Variants in ALKBH3 observed in about 807,000 individuals in gnomAD.
ALKBH3 encodes alpha-ketoglutarate-dependent dioxygenase alkB homolog 3.
In ALKBH3, 51 loss-of-function variants were observed where a neutral mutation model predicts 43.9. That is an observed-to-expected ratio of 1.16 (90% CI 0.93 to 1.47). The LOEUF is 1.47. Ranked by LOEUF, ALKBH3 falls within the 40% of genes most tolerant of loss-of-function variation. The pLI, the probability that ALKBH3 is intolerant of heterozygous loss-of-function variation, is 0.00. For synonymous variants in ALKBH3, 102 were observed against 115.2 expected (o/e 0.89, Z 0.73); for missense variants, 361 against 351.9 (o/e 1.03, Z -0.21).
At chr11:43,897,572 T>C in intron 7 of ALKBH3, 1 of 788,958 alleles carries the variant, frequency 1.3e-6, no homozygotes, top group South Asian at 1.3e-5. Context: ...TCATGGGCAG[T>C]GACACTGTGA....
At chr11:43,899,449 G>T in intron 7 of ALKBH3, 1 of 702,324 alleles carries the variant, frequency 1.4e-6, no homozygotes, top group South Asian at 1.4e-5. Flanking sequence ...TAGGCTCCGA[G>T]GATTTCAGAG....
intron 7 of ALKBH3, among the ~76,000 whole-genome samples, chr11:43,895,506 G>C (rs897625840): frequency 6.6e-6 from 1 of 152,136 alleles, no homozygotes; most frequent in African/African-American, 2.4e-5. Context: ...ACCTCTTTTT[G>C]TTGGTAAATT....
chr11:43,912,241 G>A (rs533183248), intron 8 of ALKBH3: 5 of 152,260 alleles, frequency 3.3e-5, no homozygotes, highest in Admixed American at 6.5e-5. Flanking sequence ...TTGGAACAAA[G>A]GATAAAATAG....
intron 4 of ALKBH3, among the ~76,000 whole-genome samples, chr11:43,884,703 G>A (rs1354624066): frequency 1.3e-5 from 2 of 152,084 alleles, no homozygotes; most frequent in African/African-American, 4.8e-5. Context: ...CTTGCAGATT[G>A]GCTTGTATAT....
chr11:43,919,102 T>C lies in ALKBH3; in HGVS notation c.734T>C (p.Leu245Ser), dbSNP rs1952006612. 1 of 1,613,356 alleles carries C rather than the reference T, an allele frequency of 6.2e-7. No homozygotes were observed. Among genetic ancestry groups the C allele is most frequent in the African/African-American group, 1.3e-5 (1 of 74,916 alleles). Residue 245 changes from leucine to serine, a missense_variant, in exon 9 of 10, where the codon TTA becomes TCA. Transcript: ENST00000302708. ...ATACCCTTGGATCATGGGACCTTGT[T>C]AATCATGGAAGGAGCGACACAAGCT... ...VKIPLDHGTL[L>S]IMEGATQADW...
intron 8 of ALKBH3, among the ~76,000 whole-genome samples, chr11:43,902,325 A>C (rs968904136): frequency 4.6e-5 from 7 of 152,196 alleles, no homozygotes; most frequent in Admixed American, 2.0e-4. Flanking sequence ...AAAAACAGTG[A>C]CCAAAAAATT....
At chr11:43,909,831 T>C (rs893520565) in intron 8 of ALKBH3, 3 of 152,210 alleles carry the variant, frequency 2.0e-5, no homozygotes, top group Non-Finnish European at 4.4e-5. Flanking sequence ...TTTTTCTTGT[T>C]TTTGAAGCAC....
rs1951759357 is a variant in ALKBH3 at position 43,888,195 on chromosome 11, C to T, written c.267-1530C>T. Among the ~76,000 whole-genome samples, 2 of 90,372 alleles carry T rather than the reference C, an allele frequency of 2.2e-5. 1 individual carries two copies. The highest frequency in any genetic ancestry group is 7.0e-5 in the African/African-American group (2 of 28,638). The allele number at this position is 90,372 out of a possible 152,430, so 59.3% of individuals were successfully genotyped here. A position where few individuals can be genotyped will look rare whatever the true frequency, so the allele number is the denominator to read the frequency against. On this transcript the variant is annotated intron_variant, in intron 5 of 9. Coordinates refer to ENST00000302708, the MANE Select transcript of ALKBH3 (RefSeq NM_139178.4). Reference sequence around the variant, plus strand: ...GCAACTTCTGCCTCCTGGGCTCAAGCCACCCTCCCACTTCAGCCTCCGAGT... The same window carrying T: ...GCAACTTCTGCCTCCTGGGCTCAAGTCACCCTCCCACTTCAGCCTCCGAGT...
chr11:43,900,255 G>T (rs190650954), intron 7 of ALKBH3, among the ~76,000 whole-genome samples: 3 of 103,720 alleles, frequency 2.9e-5, no homozygotes, highest in Admixed American at 3.2e-4. Flanking sequence ...ACAGAGTCTC[G>T]CTCTGTTACC....
intron 7 of ALKBH3, chr11:43,897,406 G>A: frequency 1.4e-6 from 1 of 727,894 alleles, no homozygotes; most frequent in South Asian, 1.4e-5. Context: ...CATACTTAAT[G>A]ATTATCCTTG....
At chr11:43,881,420 T>G (rs543370875) in intron 1 of ALKBH3, 1 of 152,352 alleles carries the variant, frequency 6.6e-6, no homozygotes, top group South Asian at 2.1e-4. Context: ...AAATAACATA[T>G]GGCTCCCCAG....
intron 1 of ALKBH3, among the ~76,000 whole-genome samples, chr11:43,882,002 C>A (rs2135173345): frequency 6.6e-6 from 1 of 152,288 alleles, no homozygotes; most frequent in East Asian, 1.9e-4. Context: ...GTTAATCTGT[C>A]TGTTGTTGAT....
intron 7 of ALKBH3, among the ~76,000 whole-genome samples, chr11:43,896,096 G>T (rs558273102): frequency 6.6e-6 from 1 of 152,192 alleles, no homozygotes; most frequent in East Asian, 1.9e-4. Context: ...TTGAGTATTT[G>T]GCAGACATTT....
chr11:43,919,836 C>T (rs1952012724), intron 9 of ALKBH3, 82 bp from the exon 10 acceptor site: 4 of 1,264,540 alleles, frequency 3.2e-6, no homozygotes, highest in South Asian at 1.2e-5. Flanking sequence ...TTTCTGCATT[C>T]TCATGAATAA....
Position 43,881,131 on chromosome 11 carries a change from G to T in ALKBH3, c.-119G>T, listed in dbSNP as rs34239319. On this transcript the variant is annotated 5_prime_UTR_variant, in exon 1 of 10. Transcript: ENST00000302708. ...CTCGCTTAGTCTGCACCTCAACCGT[G>T]CGGAAAGTGACTGCCCTGTTTACTG... The T allele has an allele frequency of 0.11, 17,134 of 152,442 alleles. 1,119 individuals are homozygous for T. The highest frequency in any genetic ancestry group is 0.17 in the African/African-American group (7,118 of 41,546). The allele number at this position is 152,442 out of a possible 1,614,324, so 9.4% of individuals were successfully genotyped here. A position where few individuals can be genotyped will look rare whatever the true frequency, so the allele number is the denominator to read the frequency against.
At chr11:43,897,445 G>A (rs1451429903) in intron 7 of ALKBH3, 4 of 737,536 alleles carry the variant, frequency 5.4e-6, no homozygotes, top group Admixed American at 5.3e-5. Context: ...GATTGCTGTT[G>A]TATTACAATC....
At position 43,919,615 on chromosome 11, in the gene ALKBH3, G is replaced by T. The variant is rs144113799; in HGVS notation, c.769-303G>T. 1.1e-4 allele frequency: 37 copies of T among 338,610 alleles called. 1 individual carries two copies. The East Asian group carries it at 2.3e-3, about 21-fold the overall frequency. The allele number at this position is 338,610 out of a possible 1,614,324, so 21.0% of individuals were successfully genotyped here. A position where few individuals can be genotyped will look rare whatever the true frequency, so the allele number is the denominator to read the frequency against. ...AGAATGGAATCTCATGCCTCTCTTT[G>T]GTCTCATCCATTTATATGTTTTATG... On this transcript the variant is annotated intron_variant, in intron 9 of 9. Coordinates refer to ENST00000302708, the MANE Select transcript of ALKBH3 (RefSeq NM_139178.4).
intron 7 of ALKBH3, 21 bp downstream of exon 7, chr11:43,892,150 T>G: frequency 6.4e-7 from 1 of 1,570,286 alleles, no homozygotes; most frequent in Non-Finnish European, 8.8e-7. Context: ...ATATTGTCAT[T>G]GGTATGGTTT....
Position 43,919,133 on chromosome 11 carries a change from G to A in ALKBH3, c.765G>A (p.Trp255Ter), listed in dbSNP as rs1034428028. ...LIMEGATQAD[W>*]QHRVPKEYHS... ...TGGAAGGAGCGACACAAGCTGACTG[G>A]CAGGTGAGGATCTGCAAGTAATATG... Residue 255 changes from tryptophan to a stop codon, truncating the protein, a stop_gained, in exon 9 of 10, where the codon TGG (tryptophan) becomes TGA (stop). Coordinates refer to ENST00000302708, the MANE Select transcript of ALKBH3 (RefSeq NM_139178.4). LOFTEE classifies it high-confidence loss of function. 9 of 1,610,756 alleles carry A rather than the reference G, an allele frequency of 5.6e-6. No homozygotes were observed. The African/African-American group carries it at 9.3e-5, about 17-fold the overall frequency.
Sources: gnomAD v4.1 joint callset for allele counts (sites outside exome capture counted in the v4.1 genomes callset) on GRCh38, gnomAD v4.1.1 for gene constraint, MANE v1.5 for transcripts, NCBI Gene and HGNC (gene_info 2026-07-23, HGNC 2026-07-21) for gene names.